COA1: variants seen among roughly 807,000 people sequenced by gnomAD.
COA1 encodes the protein cytochrome c oxidase assembly factor 1 homolog.
A neutral mutation model predicts 16.0 loss-of-function variants in COA1; 13 were observed. The ratio of observed to expected loss-of-function variants is 0.81; its 90% CI spans 0.53 to 1.29. The LOEUF (loss-of-function observed/expected upper bound fraction) is 1.29. COA1 is among the 50% of genes most tolerant of loss of function. The probability of loss-of-function intolerance (pLI) is 0.00; values close to 1 mark genes in which losing one functional copy is unlikely to be tolerated. For synonymous variants in COA1, 65 were observed against 65.7 expected (o/e 0.99, Z 0.05); for missense variants, 179 against 177.0 (o/e 1.01, Z -0.06).
chr7:43,696,960 T>C (rs564701513), intron 1 of COA1, among the ~76,000 whole-genome samples: 2 of 151,762 alleles, frequency 1.3e-5, no homozygotes, highest in African/African-American at 4.8e-5. Flanking sequence ...CCATATCTAC[T>C]AAAAATACAA....
intron 1 of COA1, among the ~76,000 whole-genome samples, chr7:43,718,881 A>G (rs552053024): frequency 7.3e-5 from 11 of 151,382 alleles, no homozygotes; most frequent in South Asian, 6.3e-4. Flanking sequence ...GATGTTGTCT[A>G]TTTTCCATGT....
At position 43,645,395 on chromosome 7, in the gene COA1, A is replaced by G. The variant is rs1351691380; in HGVS notation, c.120T>C (p.Phe40=). The G allele has an allele frequency of 2.5e-6, 4 of 1,613,986 alleles. No individual in the cohort carries two copies. Among genetic ancestry groups the G allele is most frequent in the Non-Finnish European group, 3.4e-6 (4 of 1,179,884 alleles). Residue 40 remains phenylalanine (F), a synonymous_variant, in exon 4 of 6, where the codon TTT becomes TTC. Coordinates refer to ENST00000223336, the MANE Select transcript of COA1 (RefSeq NM_018224.4). ...FAIVYYLIQK[F]HSRALYYKLA... is the part of the protein sequence containing the mutation. ...ACTTGTAATATAAAGCCCTGGAATG[A>G]AACTCTAAGGACGAAAGACACACTT...
chr7:43,632,292 C>G (rs549178590), intron 6 of COA1: 6 of 153,244 alleles, frequency 3.9e-5, no homozygotes, highest in African/African-American at 1.4e-4. Context: ...TACAGCAATT[C>G]GGTCACATCT....
chr7:43,702,980 G>A (rs2094811779), intron 1 of COA1, among the ~76,000 whole-genome samples: 1 of 152,064 alleles, frequency 6.6e-6, no homozygotes, highest in African/African-American at 2.4e-5. Context: ...CTTGATGTAG[G>A]CATTTAGCAC....
intron 1 of COA1, chr7:43,650,457 A>G (rs55698706): frequency 0.15 from 22,353 of 152,272 alleles, 2,188 homozygotes; most frequent in Non-Finnish European, 0.21. Context: ...GAAAAGAAAT[A>G]AGGCTGAAAT....
intron 1 of COA1, among the ~76,000 whole-genome samples, chr7:43,667,959 T>C (rs911351007): frequency 5.9e-5 from 9 of 152,260 alleles, no homozygotes; most frequent in African/African-American, 2.2e-4. Context: ...TTGGAAACTA[T>C]CTGTGAGTAC....
intron 4 of COA1, among the ~76,000 whole-genome samples, chr7:43,644,791 C>CAGACAGAGAGAGAGAGAGAGAGAG (rs1563229816): frequency 8.4e-5 from 2 of 23,702 alleles, no homozygotes; most frequent in African/African-American, 3.0e-4. Context: ...GGCAGGCAGG[C>CAGACAGAGAGAGAGAGAGAGAGAG]AGAGAGACAG....
chr7:43,691,103 C>T (rs185046309), intron 1 of COA1, among the ~76,000 whole-genome samples: 60 of 145,218 alleles, frequency 4.1e-4, no homozygotes, highest in East Asian at 3.0e-3. Context: ...ATTGGCCAGG[C>T]GCAGTAGTAC....
chr7:43,648,318 GC>G lies in COA1; in HGVS notation c.15+281del, dbSNP rs2090000596. 2.4e-5 allele frequency: 13 copies of G among 546,008 alleles called. No homozygotes were observed. In the East Asian group the frequency reaches 3.5e-4, roughly 15 times the overall value. The allele number at this position is 546,008 out of a possible 1,614,324, so 33.8% of individuals were successfully genotyped here. On this transcript the variant is annotated intron_variant, in intron 2 of 5. Coordinates refer to ENST00000223336, the MANE Select transcript of COA1 (RefSeq NM_018224.4). Reference sequence around the variant, plus strand: ...CTGAAGAATGTATTAGTCAGATCTTGCTTAATTTGAAGAGAGCTCAACAGGG... The same window carrying G: ...CTGAAGAATGTATTAGTCAGATCTTGTTAATTTGAAGAGAGCTCAACAGGG...
chr7:43,635,715 A>G (rs1243132220), downstream of COA1, among the ~76,000 whole-genome samples: 2 of 152,226 alleles, frequency 1.3e-5, no homozygotes, highest in Non-Finnish European at 2.9e-5. Flanking sequence ...CACTGGACTC[A>G]GTTCACTAAT....
chr7:43,709,434 T>TTTTG (rs367934295), intron 1 of COA1, among the ~76,000 whole-genome samples: 7 of 144,894 alleles, frequency 4.8e-5, no homozygotes, highest in African/African-American at 1.8e-4. Flanking sequence ...CTTTGTTTTA[T>TTTTG]TGTGTGTGTG....
chr7:43,702,039 C>CT (rs2094766431), intron 1 of COA1, among the ~76,000 whole-genome samples: 1 of 152,056 alleles, frequency 6.6e-6, no homozygotes, highest in Non-Finnish European at 1.5e-5. Flanking sequence ...TCTGTTTACT[C>CT]TGTTGATAGT....
chr7:43,678,071 T>C (rs1018584718), intron 1 of COA1, among the ~76,000 whole-genome samples: 1 of 152,202 alleles, frequency 6.6e-6, no homozygotes, highest in Non-Finnish European at 1.5e-5. Context: ...TCAAGTTGAT[T>C]TGAAACACTA....
intron 1 of COA1, among the ~76,000 whole-genome samples, chr7:43,654,679 G>C (rs938315491): frequency 2.0e-5 from 3 of 152,182 alleles, no homozygotes; most frequent in African/African-American, 7.2e-5. Context: ...CTGTTCAACA[G>C]ATCATTGCTT....
intron 6 of COA1, among the ~76,000 whole-genome samples, chr7:43,621,383 T>C (rs1185453822): frequency 6.6e-6 from 1 of 152,210 alleles, no homozygotes; most frequent in Non-Finnish European, 1.5e-5. Context: ...CATTGTAAGC[T>C]CAAATACACA....
intron 1 of COA1, among the ~76,000 whole-genome samples, chr7:43,682,968 C>G (rs1198740624): frequency 1.3e-5 from 2 of 152,154 alleles, no homozygotes; most frequent in Non-Finnish European, 2.9e-5. Flanking sequence ...TGTGCCTCAG[C>G]CTCCTGAATA....
At chr7:43,710,378 AT>A in intron 1 of COA1, among the ~76,000 whole-genome samples, 3 of 128,546 alleles carry the variant, frequency 2.3e-5, no homozygotes, top group East Asian at 2.1e-4. Context: ...AAAAAAAAAT[AT>A]ATATATATAT....
At chr7:43,613,351 T>C (rs372055236) in intron 6 of COA1, among the ~76,000 whole-genome samples, 2 of 152,134 alleles carry the variant, frequency 1.3e-5, no homozygotes, top group Admixed American at 6.5e-5. Flanking sequence ...CTGAGTAACC[T>C]AGAGATGATT....
intron 1 of COA1, chr7:43,656,269 A>G (rs997017895): frequency 2.0e-5 from 3 of 152,260 alleles, no homozygotes; most frequent in African/African-American, 4.8e-5. Flanking sequence ...TTCTAAAAGG[A>G]TTTTTAAAAA....
Sources: gnomAD v4.1 joint callset for allele counts (sites outside exome capture counted in the v4.1 genomes callset) on GRCh38, gnomAD v4.1.1 for gene constraint, MANE v1.5 for transcripts, NCBI Gene and HGNC (gene_info 2026-07-23, HGNC 2026-07-21) for gene names.